The following EGFL6 variants were observed in gnomAD, a reference collection of about 807,000 sequenced individuals.
The protein encoded by EGFL6 is epidermal growth factor-like protein 6.
EGFL6 carries 42 observed loss-of-function variants against 43.1 expected under a neutral mutation model. That is an observed-to-expected ratio of 0.98 (90% CI 0.76 to 1.26). The LOEUF is 1.26. EGFL6 is among the 50% of genes most tolerant of loss of function. The pLI, the probability that EGFL6 is intolerant of heterozygous loss-of-function variation, is 0.00. For synonymous variants in EGFL6, 164 were observed against 163.2 expected (o/e 1.01, Z -0.04); for missense variants, 429 against 427.8 (o/e 1.00, Z -0.02).
chrX:13,623,107 T>G (rs2045756847), intron 9 of EGFL6, among the ~76,000 whole-genome samples: 1 of 110,120 alleles, frequency 9.1e-6, no homozygotes, highest in East Asian at 2.9e-4. Flanking sequence ...GAGGATCACT[T>G]GAGCCTAGGA....
intron 2 of EGFL6, among the ~76,000 whole-genome samples, chrX:13,592,215 T>TA (rs34800412): frequency 0.42 from 37,566 of 89,759 alleles, 5,955 homozygotes; most frequent in South Asian, 0.54. Flanking sequence ...CTTCAGGGCT[T>TA]AAAAAAAAAA....
rs370555235 is a variant in EGFL6 at position 13,569,954 on chromosome X, A to T, written c.74+19A>T. ...CGGCCAGGTGAGTGTCTGACTGGCGATTGGCTTCCCCCCACCCCCGGCCTG... is the reference window on the plus strand; with the variant it reads ...CGGCCAGGTGAGTGTCTGACTGGCGTTTGGCTTCCCCCCACCCCCGGCCTG... On this transcript the variant is annotated intron_variant, in intron 1 of 11. Transcript: ENST00000361306. 272 of 1,204,322 alleles carry T rather than the reference A, an allele frequency of 2.3e-4. No individual in the cohort carries two copies. Among genetic ancestry groups the T allele is most frequent in the Non-Finnish European group, 2.9e-4 (261 of 890,472 alleles).
chrX:13,594,154 T>C (rs5935628), intron 2 of EGFL6, among the ~76,000 whole-genome samples: 48,947 of 110,022 alleles, frequency 0.44, 8,391 homozygotes, highest in East Asian at 0.8. Flanking sequence ...TGGAATGAAA[T>C]TGTCCATCAT....
intron 3 of EGFL6, among the ~76,000 whole-genome samples, chrX:13,598,558 AGTTGTT>A (rs72060307): frequency 0.36 from 37,578 of 104,434 alleles, 5,450 homozygotes; most frequent in East Asian, 0.61. Context: ...CTTATTCTTA[AGTTGTT>A]GTTGTTGTTG....
intron 1 of EGFL6, among the ~76,000 whole-genome samples, chrX:13,580,347 T>C (rs1482173011): frequency 3.6e-5 from 4 of 111,796 alleles, no homozygotes; most frequent in African/African-American, 6.5e-5. Context: ...CCAGCCTCTT[T>C]CTGCTGCATT....
intron 7 of EGFL6, among the ~76,000 whole-genome samples, chrX:13,616,148 A>G (rs778816803): frequency 4.4e-4 from 49 of 112,398 alleles, no homozygotes; most frequent in Admixed American, 1.1e-3. Context: ...TTAAAAATTA[A>G]TTACTTCTTT....
intron 7 of EGFL6, among the ~76,000 whole-genome samples, chrX:13,609,799 C>T (rs760295584): frequency 9.0e-6 from 1 of 111,579 alleles, no homozygotes; most frequent in Non-Finnish European, 1.9e-5. Flanking sequence ...CCAGGTTTAT[C>T]CCTCTGGTCA....
At chrX:13,595,328 T>C (rs1269651490) in intron 3 of EGFL6, among the ~76,000 whole-genome samples, 1 of 111,999 alleles carries the variant, frequency 8.9e-6, no homozygotes, top group Non-Finnish European at 1.9e-5. Context: ...TGCAAAAAAA[T>C]ATAAACTTAA....
At chrX:13,616,736 C>T (rs1476302513) in intron 7 of EGFL6, among the ~76,000 whole-genome samples, 8 of 112,724 alleles carry the variant, frequency 7.1e-5, no homozygotes, top group Middle Eastern at 4.6e-3. Context: ...GTTGCCTCAT[C>T]GACAAGACAA....
intron 7 of EGFL6, among the ~76,000 whole-genome samples, chrX:13,609,440 A>G (rs2045677831): frequency 8.9e-6 from 1 of 112,128 alleles, no homozygotes; most frequent in Non-Finnish European, 1.9e-5. Flanking sequence ...CCCTAACAAT[A>G]TCTTACAATG....
chrX:13,602,288 T>C (rs1569206173), intron 4 of EGFL6, among the ~76,000 whole-genome samples: 1 of 111,677 alleles, frequency 9.0e-6, no homozygotes, highest in African/African-American at 3.3e-5. Context: ...GTTATGGACA[T>C]TGGGCTGAAA....
At chrX:13,624,773 C>T (rs146572532) in intron 10 of EGFL6, among the ~76,000 whole-genome samples, 313 of 111,766 alleles carry the variant, frequency 2.8e-3, no homozygotes, top group African/African-American at 9.1e-3. Context: ...AGACCAATTC[C>T]TCTCCAACAT....
At chrX:13,605,691 A>G (rs1241115922) in intron 5 of EGFL6, among the ~76,000 whole-genome samples, 1 of 112,298 alleles carries the variant, frequency 8.9e-6, no homozygotes, top group Non-Finnish European at 1.9e-5. Context: ...GACATCTGAA[A>G]GTTAAACCAA....
chrX:13,612,665 G>A (rs1241120162), intron 7 of EGFL6, among the ~76,000 whole-genome samples: 7 of 110,566 alleles, frequency 6.3e-5, no homozygotes, highest in African/African-American at 2.3e-4. Context: ...GCGGCTGGCC[G>A]GGAGGGGGCT....
chrX:13,574,365 G>A (rs2045459143), intron 1 of EGFL6, among the ~76,000 whole-genome samples: 2 of 111,805 alleles, frequency 1.8e-5, no homozygotes, highest in Admixed American at 1.9e-4. Flanking sequence ...CAGTAAAACA[G>A]GGAACTACCA....
intron 2 of EGFL6, among the ~76,000 whole-genome samples, chrX:13,590,924 G>A (rs2045559563): frequency 9.0e-6 from 1 of 111,677 alleles, no homozygotes; most frequent in African/African-American, 3.3e-5. Flanking sequence ...ATGATCAAGG[G>A]CATTGAGAAC....
intron 7 of EGFL6, among the ~76,000 whole-genome samples, chrX:13,612,546 C>A (rs1260652262): frequency 9.0e-6 from 1 of 111,555 alleles, no homozygotes; most frequent in African/African-American, 3.3e-5. Context: ...GGCCCGTTCT[C>A]AATGAGCTGT....
At chrX:13,592,197 C>G (rs977135940) in intron 2 of EGFL6, among the ~76,000 whole-genome samples, 7 of 100,875 alleles carry the variant, frequency 6.9e-5, no homozygotes, top group African/African-American at 1.1e-4. Flanking sequence ...CAGGGAACAA[C>G]TAGAGGTCTT....
rs755938405 is a variant in EGFL6 at position 13,627,262 on chromosome X, G to A, written c.1537G>A (p.Asp513Asn). Residue 513 changes from aspartate (D) to asparagine (N), a missense_variant, in exon 11 of 12, where the codon GAT (aspartate) becomes AAT (asparagine). Physicochemically the swap from Asp to Asn is conservative, Grantham distance 23 (BLOSUM62 1). Transcript: ENST00000361306. ...TGKIQLYQGTDATKSIIFEAE... is the reference protein window; with the variant it reads ...TGKIQLYQGTNATKSIIFEAE... ...GAAAATTCAGTTGTATCAAGGAACT[G>A]ATGCTACCAAAAGCGTAAGTGGGAA... is the stretch of plus-strand genomic sequence containing the variant. 6 of 1,203,166 alleles carry A rather than the reference G, an allele frequency of 5.0e-6. No homozygotes were observed. The highest frequency in any genetic ancestry group is 2.3e-4 in the Middle Eastern group (1 of 4,323).
Sources: gnomAD v4.1 joint callset for allele counts (sites outside exome capture counted in the v4.1 genomes callset) on GRCh38, gnomAD v4.1.1 for gene constraint, MANE v1.5 for transcripts, NCBI Gene and HGNC (gene_info 2026-07-23, HGNC 2026-07-21) for gene names.